Variants in SLC8A3 observed in about 807,000 individuals in gnomAD.
The protein encoded by SLC8A3 is solute carrier family 8 member A3, also known as sodium/calcium exchanger 3.
Under a neutral mutation model 65.4 loss-of-function variants are expected in SLC8A3, and 37 were observed. The ratio of observed to expected loss-of-function variants is 0.57; its 90% CI spans 0.44 to 0.74. The LOEUF (loss-of-function observed/expected upper bound fraction) is 0.74, where lower values mean the gene tolerates loss of function less well. Ranked by LOEUF, SLC8A3 falls within the 30% of genes least tolerant of loss-of-function variation. SLC8A3 has a pLI of 0.00. For synonymous variants in SLC8A3, 461 were observed against 444.5 expected, an observed-to-expected ratio of 1.04 and a Z score of -0.47; for missense variants, 1,112 against 1,172.1, an observed-to-expected ratio of 0.95 and a Z score of 0.75.
intron 5 of SLC8A3, among the ~76,000 whole-genome samples, chr14:70,049,830 A>G (rs1001504127): frequency 2.0e-5 from 3 of 152,204 alleles, no homozygotes; most frequent in African/African-American, 7.2e-5. Context: ...GATCACGAGA[A>G]TATACTGCAG....
At chr14:70,158,128 G>C (rs1214723793) in intron 2 of SLC8A3, among the ~76,000 whole-genome samples, 1 of 152,184 alleles carries the variant, frequency 6.6e-6, no homozygotes, top group Non-Finnish European at 1.5e-5. Context: ...AGCACCTAGA[G>C]CACAAATAGA....
At chr14:70,140,363 A>G (rs973716468) in intron 2 of SLC8A3, among the ~76,000 whole-genome samples, 1 of 152,192 alleles carries the variant, frequency 6.6e-6, no homozygotes, top group Non-Finnish European at 1.5e-5. Flanking sequence ...TACAACCTTC[A>G]TTGAACAGAT....
chr14:70,141,468 G>A (rs1332222452), intron 2 of SLC8A3, among the ~76,000 whole-genome samples: 1 of 152,206 alleles, frequency 6.6e-6, no homozygotes, highest in African/African-American at 2.4e-5. Context: ...GCTAATAAAT[G>A]ACTTACATTT....
At chr14:70,112,331 G>A (rs1181599739) in intron 2 of SLC8A3, among the ~76,000 whole-genome samples, 1 of 152,168 alleles carries the variant, frequency 6.6e-6, no homozygotes, top group East Asian at 1.9e-4. Flanking sequence ...ACGAGGCACT[G>A]GGGTGGATCT....
intron 1 of SLC8A3, among the ~76,000 whole-genome samples, chr14:70,172,011 G>T (rs574779735): frequency 6.6e-6 from 1 of 151,932 alleles, no homozygotes; most frequent in African/African-American, 2.4e-5. Context: ...CAATTGCCCC[G>T]GCCCAGACAC....
intron 1 of SLC8A3, 88 bp from the exon 2 acceptor site, chr14:70,168,572 C>T: frequency 4.8e-6 from 3 of 619,294 alleles, no homozygotes; most frequent in Non-Finnish European, 8.5e-6. Context: ...GATGCTTCAC[C>T]TCCAGTGACA....
chr14:70,168,577 G>T (rs973262191), intron 1 of SLC8A3, 93 bp from the exon 2 acceptor site: 14 of 613,648 alleles, frequency 2.3e-5, no homozygotes, highest in Non-Finnish European at 3.4e-5. Context: ...TTCACCTCCA[G>T]TGACATATTG....
intron 2 of SLC8A3, among the ~76,000 whole-genome samples, chr14:70,166,040 A>G (rs1157097980): frequency 6.6e-6 from 1 of 152,230 alleles, no homozygotes; most frequent in African/African-American, 2.4e-5. Flanking sequence ...ACCATTAAAT[A>G]GTCTATGGTC....
At chr14:70,078,011 G>A (rs565351144) in intron 2 of SLC8A3, among the ~76,000 whole-genome samples, 2 of 152,340 alleles carry the variant, frequency 1.3e-5, no homozygotes, top group East Asian at 3.9e-4. Context: ...TAGAGTTATA[G>A]AGAGGTGATG....
intron 2 of SLC8A3, among the ~76,000 whole-genome samples, chr14:70,133,398 T>C (rs958590443): frequency 6.6e-6 from 1 of 152,128 alleles, no homozygotes; most frequent in African/African-American, 2.4e-5. Flanking sequence ...CCTCCTTCAC[T>C]GTCACCCAGA....
Position 70,063,152 on chromosome 14 carries a change from G to T in SLC8A3, c.1785-2213C>A, listed in dbSNP as rs573804082. ...TCTAACTCTCTGCCTCCACACCTGGGTGTTCTTAATAGGAAAAACATAGGA... is the reference window on the plus strand; with the variant it reads ...TCTAACTCTCTGCCTCCACACCTGGTTGTTCTTAATAGGAAAAACATAGGA... On this transcript the variant is annotated intron_variant, in intron 2 of 6. Transcript: ENST00000356921. Among the ~76,000 whole-genome samples the T allele has an allele frequency of 1.8e-4, 27 of 152,266 alleles. No homozygotes were observed. The South Asian group carries it at 5.6e-3, about 32-fold the overall frequency.
intron 2 of SLC8A3, among the ~76,000 whole-genome samples, chr14:70,075,334 T>C (rs1232141614): frequency 6.6e-6 from 1 of 152,166 alleles, no homozygotes; most frequent in Non-Finnish European, 1.5e-5. Context: ...CTATCTGCCC[T>C]TTGCAAGAGC....
At chr14:70,067,570 A>G (rs1471578936) in intron 2 of SLC8A3, among the ~76,000 whole-genome samples, 2 of 152,182 alleles carry the variant, frequency 1.3e-5, no homozygotes, top group Non-Finnish European at 2.9e-5. Flanking sequence ...CTCATGGTGA[A>G]TTTCTAACAC....
At chr14:70,052,296 A>C (rs769017859) in intron 3 of SLC8A3, among the ~76,000 whole-genome samples, 182 bp from the exon 4 acceptor site, 6 of 152,204 alleles carry the variant, frequency 3.9e-5, no homozygotes, top group Admixed American at 6.5e-5. Flanking sequence ...GACCATGAGA[A>C]TGTGCCTTGC....
chr14:70,120,183 A>G (rs558746283), intron 2 of SLC8A3, among the ~76,000 whole-genome samples: 2 of 152,374 alleles, frequency 1.3e-5, no homozygotes, highest in East Asian at 3.9e-4. Context: ...ATTCAACTTT[A>G]TATGAGTAAG....
chr14:70,048,581 C>G (rs1887066633), intron 6 of SLC8A3, 186 bp downstream of exon 6: 4 of 689,424 alleles, frequency 5.8e-6, no homozygotes, highest in South Asian at 3.0e-5. Context: ...TGAAAGTGCT[C>G]AAGAAATATT....
At chr14:70,164,613 C>A (rs1363382169) in intron 2 of SLC8A3, among the ~76,000 whole-genome samples, 4 of 152,052 alleles carry the variant, frequency 2.6e-5, no homozygotes. Context: ...ACCCTAGGTG[C>A]ATAATTGATT....
intron 2 of SLC8A3, among the ~76,000 whole-genome samples, chr14:70,136,729 C>T (rs1250609624): frequency 6.6e-6 from 1 of 152,226 alleles, no homozygotes; most frequent in Non-Finnish European, 1.5e-5. Context: ...CAACCTAAAA[C>T]TGTTTAACTT....
intron 2 of SLC8A3, among the ~76,000 whole-genome samples, chr14:70,140,701 A>T (rs1385573396): frequency 6.6e-6 from 1 of 152,226 alleles, no homozygotes; most frequent in Non-Finnish European, 1.5e-5. Context: ...GTAGGTGTAC[A>T]TTAATGACTA....
Sources: gnomAD v4.1 joint callset for allele counts (sites outside exome capture counted in the v4.1 genomes callset) on GRCh38, gnomAD v4.1.1 for gene constraint, MANE v1.5 for transcripts, NCBI Gene and HGNC (gene_info 2026-07-23, HGNC 2026-07-21) for gene names.